The following TRPM1 variants were observed in gnomAD, a reference collection of about 807,000 sequenced individuals.
TRPM1 encodes the protein TRPM1-203 APA Isoform, Intron 10.
In TRPM1, 113 loss-of-function variants were observed where a neutral mutation model predicts 149.4. The ratio of observed to expected loss-of-function variants is 0.76; its 90% CI spans 0.65 to 0.88. The LOEUF is 0.88. Among genes scored for constraint, TRPM1 ranks in the 40% least tolerant of loss-of-function variants. The pLI is 0.00. For missense variants in TRPM1, 1,976 were observed against 2,038.7 expected, an observed-to-expected ratio of 0.97 and a Z score of 0.59; for synonymous variants, 741 against 759.5, an observed-to-expected ratio of 0.98 and a Z score of 0.40.
chr15:31,113,723 G>A (rs117092480), intron 1 of TRPM1, among the ~76,000 whole-genome samples: 2 of 152,142 alleles, frequency 1.3e-5, no homozygotes, highest in East Asian at 3.9e-4. Flanking sequence ...TGGATTTCTG[G>A]TCCCACCGCC....
intron 27 of TRPM1, among the ~76,000 whole-genome samples, chr15:31,006,002 A>T (rs1411236101): frequency 1.3e-5 from 2 of 152,212 alleles, no homozygotes; most frequent in Non-Finnish European, 2.9e-5. Flanking sequence ...AGATATGATT[A>T]ATCAGCAAAG....
chr15:31,033,087 A>C, intron 21 of TRPM1, 147 bp from the exon 22 acceptor site: 16 of 1,075,310 alleles, frequency 1.5e-5, no homozygotes, highest in Non-Finnish European at 2.2e-5. Flanking sequence ...CTTCTCAGGC[A>C]GGGAGAGATA....
intron 1 of TRPM1, among the ~76,000 whole-genome samples, chr15:31,127,819 C>T (rs756903606): frequency 6.6e-5 from 10 of 152,128 alleles, no homozygotes; most frequent in Non-Finnish European, 1.2e-4. Context: ...ATGAGGCAGG[C>T]GCTCGGCTCC....
Position 31,111,378 on chromosome 15 carries a change from A to G in TRPM1, c.55-34394T>C, listed in dbSNP as rs151247139. The stretch of plus-strand genomic sequence containing the variant: ...TGGAGGACTTTCAAATCCCAACACC[A>G]TGGCTAACACTTCTGAAGTCTTCAC... On this transcript the variant is annotated intron_variant, in intron 1 of 26. Transcript: ENST00000542188. 2.9e-3 allele frequency among the ~76,000 whole-genome samples: 438 copies of G among 152,290 alleles called. 1 individual carries two copies. The highest frequency in any genetic ancestry group is 9.6e-3 in the African/African-American group (398 of 41,556).
chr15:31,129,458 T>A (rs577125473), intron 1 of TRPM1, among the ~76,000 whole-genome samples: 16 of 152,288 alleles, frequency 1.1e-4, no homozygotes, highest in African/African-American at 3.8e-4. Flanking sequence ...CACTCAGCTC[T>A]CTGCTGCCCC....
intron 27 of TRPM1, among the ~76,000 whole-genome samples, chr15:31,009,116 T>C (rs2032093709): frequency 6.6e-6 from 1 of 152,184 alleles, no homozygotes; most frequent in African/African-American, 2.4e-5. Context: ...GAATTCTTTG[T>C]CTGATTTTTT....
At chr15:31,115,597 G>T (rs2035787746) in intron 1 of TRPM1, among the ~76,000 whole-genome samples, 1 of 152,020 alleles carries the variant, frequency 6.6e-6, no homozygotes, top group African/African-American at 2.4e-5. Context: ...CAATCTTAGG[G>T]TACCCCTCAC....
chr15:31,019,302 A>G (rs528758988), intron 27 of TRPM1, among the ~76,000 whole-genome samples: 1 of 152,242 alleles, frequency 6.6e-6, no homozygotes, highest in Non-Finnish European at 1.5e-5. Context: ...AGTTATAGGA[A>G]GAACACCAGG....
intron 11 of TRPM1, among the ~76,000 whole-genome samples, chr15:31,051,391 A>C (rs567058034): frequency 6.6e-6 from 1 of 152,022 alleles, no homozygotes; most frequent in Admixed American, 6.5e-5. Context: ...CTCTCTTCCT[A>C]TCTCTCCTGC....
rs1244910430 is a variant in TRPM1 at position 31,064,944 on chromosome 15, A to G, written c.790+1132T>C. 13 of 460,610 alleles carry G rather than the reference A, an allele frequency of 2.8e-5. No individual in the cohort carries two copies. In the East Asian group the frequency reaches 4.6e-4, roughly 16 times the overall value. The allele number at this position is 460,610 out of a possible 1,614,324, so 28.5% of individuals were successfully genotyped here. On this transcript the variant is annotated intron_variant, in intron 7 of 27. Coordinates refer to ENST00000256552, the MANE Select transcript of TRPM1 (RefSeq NM_001252024.2). ...ACCCAAGCAAGGATTGATATTTTCA[A>G]TCTTTAGGAATATGGTGGCCAAATC...
intron 1 of TRPM1, among the ~76,000 whole-genome samples, chr15:31,098,504 G>C (rs561642460): frequency 3.7e-4 from 57 of 152,290 alleles, no homozygotes; most frequent in African/African-American, 1.3e-3. Flanking sequence ...GGGATCAGGA[G>C]GAGTGTGTAA....
At chr15:31,144,485 A>G (rs1292530094) in intron 1 of TRPM1, among the ~76,000 whole-genome samples, 3 of 152,168 alleles carry the variant, frequency 2.0e-5, no homozygotes, top group Non-Finnish European at 4.4e-5. Flanking sequence ...TTGTCAAAAT[A>G]TGCAACAATG....
intron 1 of TRPM1, among the ~76,000 whole-genome samples, chr15:31,107,262 G>C (rs2035619227): frequency 6.6e-6 from 1 of 152,080 alleles, no homozygotes; most frequent in Non-Finnish European, 1.5e-5. Context: ...AGATTTTTCT[G>C]TTTCTCCTTG....
intron 27 of TRPM1, among the ~76,000 whole-genome samples, chr15:31,024,527 T>C (rs754040004): frequency 2.0e-5 from 3 of 152,138 alleles, no homozygotes; most frequent in Non-Finnish European, 4.4e-5. Flanking sequence ...CAGCATGTTT[T>C]CTCTGCCCTA....
At chr15:31,039,975 A>G (rs1481104868) in intron 18 of TRPM1, 143 bp downstream of exon 18, 3 of 759,220 alleles carry the variant, frequency 4.0e-6, no homozygotes, top group Non-Finnish European at 6.8e-6. Context: ...CCTCATCTAT[A>G]AGACAATGAT....
chr15:31,118,706 G>A lies in TRPM1; in HGVS notation c.55-41722C>T, dbSNP rs78704003. 2.0e-3 allele frequency among the ~76,000 whole-genome samples: 305 copies of A among 152,278 alleles called. 1 individual carries two copies. The highest frequency in any genetic ancestry group is 7.0e-3 in the African/African-American group (291 of 41,552). ...TTGATCTTACCCAAAAGGCCAAGAA[G>A]CTGAGAAGACTGATTGCCAGCTTCT... On this transcript the variant is annotated intron_variant, in intron 1 of 26. Coordinates refer to the TRPM1 transcript ENST00000542188.
chr15:31,154,049 G>A (rs1258716389), intron 1 of TRPM1, among the ~76,000 whole-genome samples: 1 of 152,162 alleles, frequency 6.6e-6, no homozygotes, highest in Non-Finnish European at 1.5e-5. Context: ...ATACCCAGAG[G>A]GTTCAGAAAC....
At position 31,038,098 on chromosome 15, in the gene TRPM1, C is replaced by T. The variant is rs539196046; in HGVS notation, c.2385G>A (p.Ser795=). ...CCTCATTTTCCTTGGATGTTTGATA[C>T]GAGAAATCATCATATGTGCGAAATT... is the stretch of plus-strand genomic sequence containing the variant. ...FLEFRTYDDF[S]YQTSKENEDG... Residue 795 remains serine, a synonymous_variant, in exon 19 of 28, where the codon TCG becomes TCA. Coordinates refer to ENST00000256552, the MANE Select transcript of TRPM1 (RefSeq NM_001252024.2). The T allele has an allele frequency of 9.7e-5, 157 of 1,614,024 alleles. No homozygotes were observed. Among genetic ancestry groups the T allele is most frequent in the South Asian group, 9.0e-4 (82 of 91,076 alleles).
Position 31,152,728 on chromosome 15 carries a change from G to C in TRPM1, c.54+8178C>G, listed in dbSNP as rs559520658. On this transcript the variant is annotated intron_variant, in intron 1 of 26. Transcript: ENST00000542188. ...TGCGATCATGGCTCGCTGCAGCCTT[G>C]ACCTACCAAGATTAAGTGATCCTCC... Among the ~76,000 whole-genome samples the C allele has an allele frequency of 9.9e-5, 15 of 152,198 alleles. No homozygotes were observed. In the South Asian group the frequency reaches 2.9e-3, roughly 29 times the overall value.
Sources: gnomAD v4.1 joint callset for allele counts (sites outside exome capture counted in the v4.1 genomes callset) on GRCh38, gnomAD v4.1.1 for gene constraint, MANE v1.5 for transcripts, NCBI Gene and HGNC (gene_info 2026-07-23, HGNC 2026-07-21) for gene names.